The following EPB41L1 variants were observed in gnomAD, a reference collection of about 807,000 sequenced individuals.
EPB41L1 encodes the protein erythrocyte membrane protein band 4.1 like 1.
Under a neutral mutation model 97.8 loss-of-function variants are expected in EPB41L1, and 29 were observed. The observed-to-expected ratio is 0.30, with a 90% confidence interval of 0.22 to 0.40. EPB41L1 has a LOEUF of 0.40. Ranked by LOEUF, EPB41L1 falls within the 10% of genes least tolerant of loss-of-function variation. The probability of loss-of-function intolerance (pLI) is 1.00; values close to 1 mark genes in which losing one functional copy is unlikely to be tolerated. For missense variants in EPB41L1, 812 were observed against 1,162.3 expected (o/e 0.70, Z 4.38); for synonymous variants, 383 against 459.2 (o/e 0.83, Z 2.12).
chr20:36,155,756 T>C (rs892758068), intron 1 of EPB41L1: 9 of 419,336 alleles, frequency 2.1e-5, no homozygotes, highest in Admixed American at 5.1e-5. Context: ...TGAGGATGCA[T>C]TGGTGGGGGA....
chr20:36,151,664 G>A (rs1166837704), upstream of EPB41L1: 1 of 152,238 alleles, frequency 6.6e-6, no homozygotes, highest in Non-Finnish European at 1.5e-5. Flanking sequence ...ATTCTTAAGT[G>A]TCTCTCCTGC....
At chr20:36,197,827 C>A in intron 13 of EPB41L1, 32 bp from the exon 14 acceptor site, 1 of 1,614,000 alleles carries the variant, frequency 6.2e-7, no homozygotes, top group South Asian at 1.1e-5. Context: ...AGCTGTTCCC[C>A]TAACACCACC....
chr20:36,095,094 C>A (rs928123106), intron 1 of EPB41L1, among the ~76,000 whole-genome samples: 7 of 152,162 alleles, frequency 4.6e-5, no homozygotes, highest in African/African-American at 1.7e-4. Context: ...TCCTCAGCCT[C>A]CCAAGTAGCT....
chr20:36,116,632 C>T (rs750795408), intron 2 of EPB41L1, among the ~76,000 whole-genome samples: 9 of 152,140 alleles, frequency 5.9e-5, no homozygotes, highest in Non-Finnish European at 1.2e-4. Context: ...CACAGTGCTC[C>T]AGGCACCAGA....
At chr20:36,139,433 T>G (rs1223101670) in intron 2 of EPB41L1, among the ~76,000 whole-genome samples, 1 of 152,208 alleles carries the variant, frequency 6.6e-6, no homozygotes, top group Non-Finnish European at 1.5e-5. Context: ...TAAAAAAAAT[T>G]TTTTTGTTAT....
In EPB41L1 at chr20:36,206,447, A is replaced by G; in HGVS notation, c.1669-3041A>G. 6.2e-6 allele frequency: 8 copies of G among 1,289,996 alleles called. No homozygotes were observed. Among genetic ancestry groups the G allele is most frequent in the Non-Finnish European group, 8.1e-6 (8 of 988,910 alleles). 79.9% of individuals were successfully genotyped at this position (1,289,996 alleles called of 1,614,324 possible). A position where few individuals can be genotyped will look rare whatever the true frequency, so the allele number is the denominator to read the frequency against. On this transcript the variant is annotated intron_variant, in intron 14 of 21. Transcript: ENST00000338074. This position sits in a 1 kb window ranked among gnomAD's most constrained non-coding sequence, Gnocchi z 5.5. ...AGAGCTGAGTTGAGCAATGAAACTGATACTTCCTTTGCAGAGAGGAGCTTC... is the reference window on the plus strand; with the variant it reads ...AGAGCTGAGTTGAGCAATGAAACTGGTACTTCCTTTGCAGAGAGGAGCTTC...
chr20:36,202,985 T>C (rs893775552), intron 14 of EPB41L1, among the ~76,000 whole-genome samples: 3 of 152,102 alleles, frequency 2.0e-5, no homozygotes, highest in Non-Finnish European at 4.4e-5. Flanking sequence ...GTTGCCAGCT[T>C]CCTTTGCTGC....
At chr20:36,126,761 T>A (rs1283806127) in intron 2 of EPB41L1, among the ~76,000 whole-genome samples, 1 of 152,196 alleles carries the variant, frequency 6.6e-6, no homozygotes, top group African/African-American at 2.4e-5. Flanking sequence ...GCTCCCTCTC[T>A]CTGTTATTTT....
rs2061902425 is a variant in EPB41L1, at chr20:36,190,563, C to T, written c.1125-59C>T. 6.2e-7 allele frequency: 1 copy of T among 1,607,270 alleles called. No individual in the cohort carries two copies. The highest frequency in any genetic ancestry group is 1.3e-5 in the African/African-American group (1 of 74,946). Reference sequence around the variant, plus strand: ...GGATGAAAGGCCAGCTGTGGTCTAACCTTGGGCCTGGCAGTGCAGGTCTGA... The same window carrying T: ...GGATGAAAGGCCAGCTGTGGTCTAATCTTGGGCCTGGCAGTGCAGGTCTGA... On this transcript the variant is annotated intron_variant, in intron 10 of 21. Transcript: ENST00000338074. The surrounding 1 kb of genome is among the most constrained non-coding windows in gnomAD (Gnocchi z 5.8).
intron 4 of EPB41L1, 109 bp from the exon 5 acceptor site, chr20:36,178,521 G>A (rs747585107): frequency 1.3e-5 from 15 of 1,122,740 alleles, no homozygotes; most frequent in Non-Finnish European, 1.9e-5. Context: ...AAGGAAGGGC[G>A]TTCCCTACAA....
intron 21 of EPB41L1, among the ~76,000 whole-genome samples, chr20:36,222,813 GTCTC>G (rs918671986): frequency 1.3e-5 from 2 of 152,278 alleles, no homozygotes; most frequent in African/African-American, 2.4e-5. Flanking sequence ...CTGGCCCTGA[GTCTC>G]TCTCTCTATC....
chr20:36,125,007 AAG>A (rs2058904793), intron 2 of EPB41L1, among the ~76,000 whole-genome samples: 1 of 152,142 alleles, frequency 6.6e-6, no homozygotes, highest in African/African-American at 2.4e-5. Flanking sequence ...TGCTCAGCCA[AAG>A]AGTTTAGACT....
intron 21 of EPB41L1, among the ~76,000 whole-genome samples, chr20:36,222,798 C>T (rs972751737): frequency 5.3e-5 from 8 of 152,192 alleles, no homozygotes; most frequent in Non-Finnish European, 1.0e-4. Context: ...CCCAGTGCCA[C>T]GTTCCTGGCC....
chr20:36,116,628 G>A (rs2058593267), intron 2 of EPB41L1, among the ~76,000 whole-genome samples: 1 of 152,186 alleles, frequency 6.6e-6, no homozygotes, highest in Admixed American at 6.5e-5. Context: ...ACAGCACAGT[G>A]CTCCAGGCAC....
In EPB41L1 at chr20:36,117,308, A is replaced by T. The variant is rs113039037; in HGVS notation, c.-10+4828A>T. Among the ~76,000 whole-genome samples, 136 of 152,284 alleles carry T rather than the reference A, an allele frequency of 8.9e-4. 1 individual carries two copies. Among genetic ancestry groups the T allele is most frequent in the African/African-American group, 3.1e-3 (128 of 41,566 alleles). ...AATGTTGCCCACGTAAGGTCCAGACATCCAGTATTTCTTCTGTGACTCTTA... is the reference window on the plus strand; with the variant it reads ...AATGTTGCCCACGTAAGGTCCAGACTTCCAGTATTTCTTCTGTGACTCTTA... On this transcript the variant is annotated intron_variant, in intron 2 of 19. Transcript: ENST00000202028.
At chr20:36,194,055 T>C (rs1472102553) in intron 11 of EPB41L1, among the ~76,000 whole-genome samples, 157 bp from the exon 12 acceptor site, 1 of 152,164 alleles carries the variant, frequency 6.6e-6, no homozygotes, top group African/African-American at 2.4e-5. Context: ...TCACTGGCCA[T>C]GTGATCAGAA....
intron 6 of EPB41L1, among the ~76,000 whole-genome samples, chr20:36,182,591 GC>G (rs2061516812): frequency 6.6e-6 from 1 of 152,252 alleles, no homozygotes; most frequent in East Asian, 1.9e-4. Flanking sequence ...GAACTGTGGG[GC>G]CTTTTGTAGA....
chr20:36,118,966 G>C (rs1183800129), intron 2 of EPB41L1, among the ~76,000 whole-genome samples: 2 of 152,168 alleles, frequency 1.3e-5, no homozygotes, highest in Non-Finnish European at 2.9e-5. Context: ...TTAGAGAGTT[G>C]AAATAAGTTT....
At chr20:36,142,206 G>GT (rs1351990678) in intron 2 of EPB41L1, among the ~76,000 whole-genome samples, 3 of 151,922 alleles carry the variant, frequency 2.0e-5, no homozygotes, top group Admixed American at 1.3e-4. Context: ...TTTTTTACCT[G>GT]TATTGTGTTA....
Sources: gnomAD v4.1 joint callset for allele counts (sites outside exome capture counted in the v4.1 genomes callset) on GRCh38, gnomAD v4.1.1 for gene constraint, Gnocchi (gnomAD v3.1) non-coding constraint, MANE v1.5 for transcripts, NCBI Gene and HGNC (gene_info 2026-07-23, HGNC 2026-07-21) for gene names.